ENTREP2: variants seen among roughly 807,000 people sequenced by gnomAD.
ENTREP2 encodes the protein protein ENTREP2.
the ENTREP2 span, chr15:29,610,064 A>C: frequency 1.3e-5 from 2 of 150,226 alleles, no homozygotes; most frequent in African/African-American, 4.9e-5. Context: ...TGTACTACAG[A>C]CTCTACTGGG....
At chr15:29,440,543 C>T in the ENTREP2 span, among the ~76,000 whole-genome samples, 5 of 152,246 alleles carry the variant, frequency 3.3e-5, no homozygotes, top group Non-Finnish European at 2.9e-5. Flanking sequence ...CCACATCTTA[C>T]TGGAGAAAAC....
chr15:29,260,913 G>A, the ENTREP2 span, among the ~76,000 whole-genome samples: 1 of 152,154 alleles, frequency 6.6e-6, no homozygotes, highest in Non-Finnish European at 1.5e-5. Context: ...TCTCCAGGAG[G>A]AGATAATGAT....
chr15:29,236,012 G>T, the ENTREP2 span, among the ~76,000 whole-genome samples: 5,063 of 151,534 alleles, frequency 0.033, 307 homozygotes, highest in African/African-American at 0.12. Flanking sequence ...CAGAAGAAAA[G>T]AAATCATAAA....
At chr15:29,620,943 C>T in the ENTREP2 span, among the ~76,000 whole-genome samples, 1 of 152,120 alleles carries the variant, frequency 6.6e-6, no homozygotes, top group Non-Finnish European at 1.5e-5. Context: ...GCAGCCTGAC[C>T]TCTGGAAGCA....
At chr15:29,385,607 G>C in the ENTREP2 span, among the ~76,000 whole-genome samples, 1 of 152,046 alleles carries the variant, frequency 6.6e-6, no homozygotes, top group South Asian at 2.1e-4. Flanking sequence ...TTCCCCCAGG[G>C]ACATGTTCAA....
the ENTREP2 span, among the ~76,000 whole-genome samples, chr15:29,564,542 G>GA: frequency 1.4e-4 from 21 of 152,130 alleles, 1 homozygote; most frequent in Admixed American, 4.6e-4. Flanking sequence ...CCACCACATC[G>GA]ACGCTGATTC....
the ENTREP2 span, among the ~76,000 whole-genome samples, chr15:29,476,553 C>T: frequency 6.6e-6 from 1 of 152,200 alleles, no homozygotes; most frequent in African/African-American, 2.4e-5. Flanking sequence ...AAGGTTTTAC[C>T]ACCACCAGGC....
At chr15:29,239,272 C>T in the ENTREP2 span, among the ~76,000 whole-genome samples, 217 of 152,210 alleles carry the variant, frequency 1.4e-3, 1 homozygote, top group African/African-American at 4.8e-3. Flanking sequence ...ACCTGTTCCC[C>T]GGGTTGTATA....
chr15:29,170,810 T>C, the ENTREP2 span, among the ~76,000 whole-genome samples: 1 of 152,206 alleles, frequency 6.6e-6, no homozygotes, highest in Non-Finnish European at 1.5e-5. Flanking sequence ...ATGTCTGCTG[T>C]TTATACCACC....
At chr15:29,169,629 GT>G in the ENTREP2 span, among the ~76,000 whole-genome samples, 2 of 152,176 alleles carry the variant, frequency 1.3e-5, no homozygotes, top group Non-Finnish European at 2.9e-5. Context: ...TTACAAGGAT[GT>G]TTTAACATAA....
the ENTREP2 span, among the ~76,000 whole-genome samples, chr15:29,651,900 G>A: frequency 6.6e-6 from 1 of 152,230 alleles, no homozygotes; most frequent in Non-Finnish European, 1.5e-5. Context: ...ACGGGTTCCT[G>A]GGTGGCAGGG....
chr15:29,518,712 A>G, the ENTREP2 span, among the ~76,000 whole-genome samples: 1 of 152,202 alleles, frequency 6.6e-6, no homozygotes, highest in Admixed American at 6.5e-5. Context: ...CCACAGGGGG[A>G]AACCCACGCT....
the ENTREP2 span, among the ~76,000 whole-genome samples, chr15:29,343,571 G>GCA: frequency 3.9e-5 from 3 of 77,424 alleles, no homozygotes; most frequent in Non-Finnish European, 7.4e-5. Flanking sequence ...AAAAAACCAG[G>GCA]CGCTCTCTCT....
the ENTREP2 span, among the ~76,000 whole-genome samples, chr15:29,160,021 G>C: frequency 3.3e-5 from 5 of 152,222 alleles, no homozygotes; most frequent in African/African-American, 4.8e-5. Flanking sequence ...CCACGGAGAC[G>C]GGGGAGGCTC....
At chr15:29,190,811 A>G in the ENTREP2 span, among the ~76,000 whole-genome samples, 1 of 152,218 alleles carries the variant, frequency 6.6e-6, no homozygotes, top group Non-Finnish European at 1.5e-5. Flanking sequence ...CTAATCAGAT[A>G]AACAGAGCCT....
At chr15:29,154,732 T>C in the ENTREP2 span, among the ~76,000 whole-genome samples, 2 of 152,190 alleles carry the variant, frequency 1.3e-5, no homozygotes, top group African/African-American at 2.4e-5. Flanking sequence ...GGCTCGTTCA[T>C]GTATACATGA....
chr15:29,289,576 T>A, the ENTREP2 span, among the ~76,000 whole-genome samples: 4 of 152,150 alleles, frequency 2.6e-5, no homozygotes, highest in Admixed American at 6.5e-5. Flanking sequence ...CACGGTGTGG[T>A]GGCTCACGTC....
the ENTREP2 span, among the ~76,000 whole-genome samples, chr15:29,586,786 G>C: frequency 6.6e-6 from 1 of 151,904 alleles, no homozygotes; most frequent in Admixed American, 6.6e-5. Context: ...AAGAAAGAAA[G>C]TATAGTATGC....
At chr15:29,144,397 T>C in the ENTREP2 span, among the ~76,000 whole-genome samples, 27 of 152,212 alleles carry the variant, frequency 1.8e-4, no homozygotes, top group African/African-American at 6.3e-4. Context: ...CAAGGAAAAG[T>C]GCAGGCTCAG....
Sources: gnomAD v4.1 joint callset for allele counts (sites outside exome capture counted in the v4.1 genomes callset) on GRCh38, gnomAD v4.1.1 for gene constraint, MANE v1.5 for transcripts, NCBI Gene and HGNC (gene_info 2026-07-23, HGNC 2026-07-21) for gene names.